The following COL17A1 variants were observed in gnomAD, a reference collection of about 807,000 sequenced individuals.
COL17A1 encodes the protein collagen alpha-1(XVII) chain.
COL17A1 carries 181 observed loss-of-function variants against 218.4 expected under a neutral mutation model. That is an observed-to-expected ratio of 0.83 (90% CI 0.73 to 0.94). The LOEUF is 0.94. Ranked by LOEUF, COL17A1 falls within the 40% of genes least tolerant of loss-of-function variation. The probability of loss-of-function intolerance (pLI) is 0.00; values close to 1 mark genes in which losing one functional copy is unlikely to be tolerated. For missense variants in COL17A1, 1,924 were observed against 1,945.9 expected, an observed-to-expected ratio of 0.99 and a Z score of 0.21; for synonymous variants, 721 against 731.0, an observed-to-expected ratio of 0.99 and a Z score of 0.22.
chr10:104,047,492 G>A (rs985409119), intron 31 of COL17A1, among the ~76,000 whole-genome samples: 1 of 152,216 alleles, frequency 6.6e-6, no homozygotes, highest in African/African-American at 2.4e-5. Flanking sequence ...AGGGCCTACA[G>A]CCACTGCACG....
chr10:104,042,055 G>A (rs908859620), intron 36 of COL17A1, among the ~76,000 whole-genome samples: 2 of 152,196 alleles, frequency 1.3e-5, no homozygotes, highest in East Asian at 3.8e-4. Flanking sequence ...CCAGGTGGGA[G>A]GCCCGGCAGT....
chr10:104,069,088 G>T (rs906056129), intron 9 of COL17A1, among the ~76,000 whole-genome samples: 1 of 152,328 alleles, frequency 6.6e-6, no homozygotes, highest in East Asian at 1.9e-4. Flanking sequence ...TGTGTAACCT[G>T]CCAGAGAATA....
chr10:104,037,310 GGAA>G (rs1006321862), intron 46 of COL17A1, among the ~76,000 whole-genome samples, 197 bp from the exon 47 acceptor site: 25 of 146,870 alleles, frequency 1.7e-4, no homozygotes, highest in African/African-American at 5.7e-4. Context: ...TTGTAAGAAA[GGAA>G]GTTTATTTTT....
intron 1 of COL17A1, among the ~76,000 whole-genome samples, chr10:104,084,061 CTG>C (rs1378113886): frequency 6.6e-6 from 1 of 152,200 alleles, no homozygotes; most frequent in Non-Finnish European, 1.5e-5. Context: ...GGCTTTGTCT[CTG>C]TAACACCCCA....
At chr10:104,077,854 G>C (rs116110631) in intron 3 of COL17A1, among the ~76,000 whole-genome samples, 7 of 152,360 alleles carry the variant, frequency 4.6e-5, no homozygotes, top group African/African-American at 1.2e-4. Flanking sequence ...AGCGATGAAA[G>C]CTCCTTGAGT....
chr10:104,062,403 G>A, intron 11 of COL17A1, 74 bp from the exon 12 acceptor site: 1 of 1,593,358 alleles, frequency 6.3e-7, no homozygotes, highest in Non-Finnish European at 8.6e-7. Flanking sequence ...GGCCCCCAGA[G>A]TCCCAAACCA....
chr10:104,044,243 G>T (rs543446679), intron 33 of COL17A1, among the ~76,000 whole-genome samples: 1 of 152,224 alleles, frequency 6.6e-6, no homozygotes, highest in Admixed American at 6.5e-5. Flanking sequence ...CGATGAGCCC[G>T]CCAGGTAGAG....
chr10:104,073,452 G>C (rs555516564), intron 6 of COL17A1, among the ~76,000 whole-genome samples: 3 of 152,128 alleles, frequency 2.0e-5, no homozygotes, highest in African/African-American at 4.8e-5. Context: ...GTACATTTAT[G>C]ATGTTAAATT....
intron 23 of COL17A1, among the ~76,000 whole-genome samples, chr10:104,052,475 A>AGC (rs2086479021): frequency 6.6e-6 from 1 of 152,166 alleles, no homozygotes; most frequent in Non-Finnish European, 1.5e-5. Context: ...GAGAAAGTAA[A>AGC]GCTGAAAATA....
chr10:104,032,962 C>G lies in COL17A1; in HGVS notation c.4301G>C (p.Gly1434Ala). ...ADLMDFFQTY[G>A]AIQGPPGQKG... ...TTGCCCAGGGGGTCCTTGAATGGCT[C>G]CATAAGCTGCAAAAGCAAGGAAACA... is the stretch of plus-strand genomic sequence containing the variant. The change falls in exon 54 of 56, where the codon GGA (glycine) becomes GCA (alanine). Residue 1434 changes from glycine (G) to alanine (A), a missense_variant. Transcript: ENST00000648076. 7.4e-6 allele frequency: 12 copies of G among 1,613,816 alleles called. No homozygotes were observed. The highest frequency in any genetic ancestry group is 1.0e-5 in the Non-Finnish European group (12 of 1,179,882).
intron 45 of COL17A1, 61 bp from the exon 46 acceptor site, chr10:104,037,834 G>A: frequency 6.3e-7 from 1 of 1,584,754 alleles, no homozygotes; most frequent in Non-Finnish European, 8.6e-7. Context: ...TCTCCCCACG[G>A]AGGTGACCTG....
chr10:104,070,820 A>T (rs1388517614), intron 8 of COL17A1, among the ~76,000 whole-genome samples: 1 of 152,208 alleles, frequency 6.6e-6, no homozygotes, highest in Admixed American at 6.5e-5. Flanking sequence ...CTTGGGAGAT[A>T]TTTCCTAATT....
At position 104,036,660 on chromosome 10, in the gene COL17A1, A is replaced by T. The variant is rs1303164143; in HGVS notation, c.3278-28T>A. ...GGAGAGGAGAGGATGCACTAGCAGG[A>T]CCCACCCAGGCCATGGGGGTCGCAG... On this transcript the variant is annotated intron_variant, in intron 47 of 55. Coordinates refer to ENST00000648076, the MANE Select transcript of COL17A1 (RefSeq NM_000494.4). The T allele has an allele frequency of 1.9e-6, 3 of 1,612,198 alleles. No individual in the cohort carries two copies. In the Admixed American group the frequency reaches 5.0e-5, roughly 27 times the overall value.
chr10:104,053,448 T>A (rs976248670), intron 22 of COL17A1, among the ~76,000 whole-genome samples: 4 of 152,166 alleles, frequency 2.6e-5, no homozygotes, highest in Non-Finnish European at 5.9e-5. Context: ...CCCTTTGGAC[T>A]TTCCAGCTCA....
chr10:104,073,092 G>C (rs2086681637), intron 7 of COL17A1, 118 bp downstream of exon 7: 1 of 939,672 alleles, frequency 1.1e-6, no homozygotes, highest in Non-Finnish European at 1.8e-6. Flanking sequence ...AAAGCAGAAA[G>C]CATGCCTTAT....
At chr10:104,083,735 A>C (rs545808637) in intron 1 of COL17A1, among the ~76,000 whole-genome samples, 1 of 152,258 alleles carries the variant, frequency 6.6e-6, no homozygotes, top group Non-Finnish European at 1.5e-5. Flanking sequence ...ATTTGGGTTT[A>C]AACCATCACA....
intron 40 of COL17A1, 47 bp from the exon 41 acceptor site, chr10:104,040,046 T>C: frequency 6.2e-7 from 1 of 1,609,948 alleles, no homozygotes; most frequent in Non-Finnish European, 8.5e-7. Context: ...CAACCAGGTG[T>C]TGTGGTTTCA....
intron 40 of COL17A1, 134 bp downstream of exon 40, chr10:104,040,217 A>C (rs957909498): frequency 2.2e-6 from 2 of 914,750 alleles, no homozygotes; most frequent in Non-Finnish European, 3.7e-6. Context: ...CAGGCTGCTG[A>C]GTTCCTAATG....
chr10:104,036,063 A>AGTGTGTGTGT (rs1219345652), intron 48 of COL17A1, among the ~76,000 whole-genome samples: 5 of 15,724 alleles, frequency 3.2e-4, no homozygotes, highest in African/African-American at 8.9e-4. Flanking sequence ...TGTGTATGGG[A>AGTGTGTGTGT]GTATGTGTAT....
Sources: allele counts gnomAD v4.1 joint callset (sites outside exome capture counted in the v4.1 genomes callset), GRCh38; gene constraint gnomAD v4.1.1; transcripts MANE v1.5; gene names NCBI Gene and HGNC (gene_info 2026-07-23, HGNC 2026-07-21).